STXBP5L: variants seen among roughly 807,000 people sequenced by gnomAD.
STXBP5L encodes syntaxin-binding protein 5-like.
In STXBP5L, 65 loss-of-function variants were observed where a neutral mutation model predicts 144.5. The observed-to-expected ratio is 0.45, with a 90% confidence interval of 0.37 to 0.55. The LOEUF (loss-of-function observed/expected upper bound fraction) is 0.55, where lower values mean the gene tolerates loss of function less well. STXBP5L is among the 20% of genes least tolerant of loss of function. The pLI, the probability that STXBP5L is intolerant of heterozygous loss-of-function variation, is 0.00. For synonymous variants in STXBP5L, 505 were observed against 469.6 expected (o/e 1.08, Z -0.97); for missense variants, 1,298 against 1,405.5 (o/e 0.92, Z 1.22).
At chr3:121,359,992 T>TATATATTATTACTATATAATATAATAA (rs2045657807) in intron 20 of STXBP5L, among the ~76,000 whole-genome samples, 1 of 146,194 alleles carries the variant, frequency 6.8e-6, no homozygotes, top group African/African-American at 2.5e-5. Context: ...ATATATAATA[T>TATATATTATTACTATATAATATAATAA]ATATATTATT....
intron 3 of STXBP5L, among the ~76,000 whole-genome samples, chr3:120,974,497 G>A (rs1278690859): frequency 2.7e-5 from 4 of 150,904 alleles, no homozygotes. Context: ...TAGGTTGCCT[G>A]TTCACTCTGA....
chr3:121,156,930 A>G (rs1010305844), intron 8 of STXBP5L, among the ~76,000 whole-genome samples: 1 of 152,012 alleles, frequency 6.6e-6, no homozygotes, highest in Non-Finnish European at 1.5e-5. Context: ...GGAGTGTGGG[A>G]GTTCTCTAAC....
At chr3:121,023,849 G>A (rs1189335062) in intron 3 of STXBP5L, among the ~76,000 whole-genome samples, 2 of 152,138 alleles carry the variant, frequency 1.3e-5, no homozygotes, top group Non-Finnish European at 2.9e-5. Flanking sequence ...TCTGCCTCCC[G>A]GGTTCACGCC....
At chr3:120,984,877 G>T (rs1161382575) in intron 3 of STXBP5L, among the ~76,000 whole-genome samples, 1 of 151,682 alleles carries the variant, frequency 6.6e-6, no homozygotes, top group Non-Finnish European at 1.5e-5. Context: ...TTATAAAATG[G>T]TGTTGAATTT....
intron 5 of STXBP5L, among the ~76,000 whole-genome samples, chr3:121,096,535 G>A (rs572099449): frequency 6.6e-6 from 1 of 152,232 alleles, no homozygotes; most frequent in South Asian, 2.1e-4. Flanking sequence ...TTCTGATGGG[G>A]TCTTTGAGTG....
At position 121,115,623 on chromosome 3, in the gene STXBP5L, A is replaced by G. The variant is rs57649553; in HGVS notation, c.605+564A>G. 7.8e-3 allele frequency among the ~76,000 whole-genome samples: 1,191 copies of G among 152,254 alleles called. 11 individuals are homozygous for G. The highest frequency in any genetic ancestry group is 0.028 in the African/African-American group (1,147 of 41,566). ...ATCAAACTCTGTGGAATTTCAAGCC[A>G]TCTGTATTCAGCCATTTTGCATTGC... On this transcript the variant is annotated intron_variant, in intron 6 of 26. Coordinates refer to ENST00000471454, the MANE Select transcript of STXBP5L (RefSeq NM_001308330.2).
intron 20 of STXBP5L, among the ~76,000 whole-genome samples, chr3:121,337,189 C>A (rs775564193): frequency 1.3e-5 from 2 of 151,636 alleles, no homozygotes; most frequent in Non-Finnish European, 2.9e-5. Flanking sequence ...GTACAACAAA[C>A]CCCCATGACA....
chr3:121,362,632 G>C (rs958926884), intron 20 of STXBP5L, among the ~76,000 whole-genome samples: 1 of 152,170 alleles, frequency 6.6e-6, no homozygotes, highest in African/African-American at 2.4e-5. Flanking sequence ...TCACGGCAGT[G>C]AGTTACCCTC....
chr3:121,201,243 G>T (rs746877179), intron 9 of STXBP5L, among the ~76,000 whole-genome samples: 3 of 152,130 alleles, frequency 2.0e-5, no homozygotes, highest in Non-Finnish European at 2.9e-5. Flanking sequence ...ACTTCTTGTT[G>T]CATTGATCCC....
chr3:121,010,540 GATA>G (rs1289769766), intron 3 of STXBP5L, among the ~76,000 whole-genome samples: 1 of 151,482 alleles, frequency 6.6e-6, no homozygotes, highest in Non-Finnish European at 1.5e-5. Flanking sequence ...CTCACTAGCA[GATA>G]ATAGTTGACC....
intron 2 of STXBP5L, among the ~76,000 whole-genome samples, chr3:120,912,550 C>A (rs562567021): frequency 6.7e-6 from 1 of 149,770 alleles, no homozygotes; most frequent in East Asian, 2.0e-4. Context: ...CTGTACCCTT[C>A]ATAATAAACA....
intron 2 of STXBP5L, among the ~76,000 whole-genome samples, chr3:120,944,422 G>A (rs1437262917): frequency 1.3e-5 from 2 of 151,564 alleles, no homozygotes; most frequent in Non-Finnish European, 3.0e-5. Context: ...ACTAGCATGA[G>A]AAGAGAAAAA....
intron 3 of STXBP5L, among the ~76,000 whole-genome samples, chr3:120,991,803 G>A (rs1308752470): frequency 6.7e-6 from 1 of 149,302 alleles, no homozygotes; most frequent in Non-Finnish European, 1.5e-5. Context: ...ACACACCGGG[G>A]CCTGTTGTGG....
intron 2 of STXBP5L, among the ~76,000 whole-genome samples, chr3:120,950,485 TTTG>T (rs1182874149): frequency 1.3e-5 from 2 of 152,126 alleles, no homozygotes; most frequent in African/African-American, 4.8e-5. Flanking sequence ...TCAAGATTGT[TTTG>T]TTATTATGAG....
At chr3:121,088,275 G>T in intron 5 of STXBP5L, among the ~76,000 whole-genome samples, 1 of 124,846 alleles carries the variant, frequency 8.0e-6, no homozygotes, top group East Asian at 2.2e-4. Flanking sequence ...TCAAAAAGTG[G>T]GCGAAGGACA....
intron 7 of STXBP5L, among the ~76,000 whole-genome samples, chr3:121,130,807 G>A (rs2044949034): frequency 6.6e-6 from 1 of 151,828 alleles, no homozygotes; most frequent in Non-Finnish European, 1.5e-5. Context: ...ACAACTATTA[G>A]ATCAAGTAGA....
At chr3:121,159,045 C>T (rs2108010132) in intron 9 of STXBP5L, 1 of 152,022 alleles carries the variant, frequency 6.6e-6, no homozygotes, top group South Asian at 2.1e-4. Flanking sequence ...AACATAAGCA[C>T]CAGTGATTTT....
At chr3:121,085,544 A>G (rs2042447013) in intron 5 of STXBP5L, among the ~76,000 whole-genome samples, 1 of 152,234 alleles carries the variant, frequency 6.6e-6, no homozygotes, top group Admixed American at 6.5e-5. Flanking sequence ...AGACAAACAG[A>G]GAGCCAAATC....
chr3:121,135,693 C>G (rs969970219), intron 7 of STXBP5L, among the ~76,000 whole-genome samples: 30 of 152,294 alleles, frequency 2.0e-4, no homozygotes, highest in African/African-American at 7.0e-4. Flanking sequence ...GCTGTAAATA[C>G]AGATGACTCT....
Sources: gnomAD v4.1 joint callset for allele counts (sites outside exome capture counted in the v4.1 genomes callset) on GRCh38, gnomAD v4.1.1 for gene constraint, MANE v1.5 for transcripts, NCBI Gene and HGNC (gene_info 2026-07-23, HGNC 2026-07-21) for gene names.